The following BCL2 variants were observed in gnomAD, a reference collection of about 807,000 sequenced individuals.
The protein encoded by BCL2 is BCL2 apoptosis regulator.
BCL2 carries 1 observed loss-of-function variant against 14.2 expected under a neutral mutation model. The observed-to-expected ratio is 0.07, with a 90% CI of 0.02 to 0.33. The LOEUF (loss-of-function observed/expected upper bound fraction) is 0.33, where lower values mean the gene tolerates loss of function less well. BCL2 is among the 10% of genes least tolerant of loss of function. The probability of loss-of-function intolerance (pLI) is 0.99; values close to 1 mark genes in which losing one functional copy is unlikely to be tolerated. For synonymous variants in BCL2, 151 were observed against 137.2 expected (o/e 1.10, Z -0.70); for missense variants, 247 against 305.9 (o/e 0.81, Z 1.44).
chr18:63,305,816 A>T (rs1913111978), intron 2 of BCL2, among the ~76,000 whole-genome samples: 1 of 152,220 alleles, frequency 6.6e-6, no homozygotes, highest in South Asian at 2.1e-4. Context: ...CCATGCCTGT[A>T]ATCCCAGTAC....
chr18:63,213,315 T>C (rs1443863480), intron 2 of BCL2, among the ~76,000 whole-genome samples: 3 of 152,184 alleles, frequency 2.0e-5, no homozygotes, highest in Admixed American at 1.3e-4. Context: ...GTCAATATGA[T>C]TTGTGTCAAA....
intron 2 of BCL2, among the ~76,000 whole-genome samples, chr18:63,266,604 A>ATC (rs36078664): frequency 0.033 from 4,634 of 141,500 alleles, 79 homozygotes; most frequent in African/African-American, 0.036. Flanking sequence ...TGGAACATAA[A>ATC]TCTCTCTCTC....
At chr18:63,199,106 AACAC>A (rs1323158700) in intron 2 of BCL2, among the ~76,000 whole-genome samples, 4 of 148,934 alleles carry the variant, frequency 2.7e-5, no homozygotes, top group Admixed American at 6.7e-5. Flanking sequence ...GCACACACAC[AACAC>A]ACACACAGAC....
intron 2 of BCL2, among the ~76,000 whole-genome samples, chr18:63,218,259 C>A (rs1910262788): frequency 6.6e-6 from 1 of 152,076 alleles, no homozygotes; most frequent in African/African-American, 2.4e-5. Flanking sequence ...CTTTCTGAGT[C>A]CCCTCTTGGT....
intron 2 of BCL2, among the ~76,000 whole-genome samples, chr18:63,285,344 G>T (rs946253943): frequency 6.6e-6 from 1 of 152,182 alleles, no homozygotes; most frequent in Non-Finnish European, 1.5e-5. Context: ...CTCTGTCCTT[G>T]CTACCTTCTC....
At chr18:63,220,449 A>G (rs1246589176) in intron 2 of BCL2, among the ~76,000 whole-genome samples, 1 of 152,220 alleles carries the variant, frequency 6.6e-6, no homozygotes, top group Non-Finnish European at 1.5e-5. Context: ...GGTGGTTTGC[A>G]TAGGTCTACC....
intron 2 of BCL2, among the ~76,000 whole-genome samples, chr18:63,289,813 G>C (rs1912595353): frequency 1.3e-5 from 2 of 152,134 alleles, no homozygotes; most frequent in South Asian, 2.1e-4. Flanking sequence ...AGAATCACTT[G>C]AGCCTGGGAG....
At chr18:63,173,523 C>T (rs894900910) in intron 2 of BCL2, among the ~76,000 whole-genome samples, 4 of 152,164 alleles carry the variant, frequency 2.6e-5, no homozygotes, top group Non-Finnish European at 4.4e-5. Context: ...ATTCGGAAAG[C>T]GGATGGAGGA....
chr18:63,318,165 G>A lies in BCL2; in HGVS notation c.502C>T (p.Pro168Ser), dbSNP rs751464195. ...CVESVNREMS[P>S]LVDNIALWMT... ...CACAGGGCGATGTTGTCCACCAGGG[G>A]CGACATCTCCCGGTTGACGCTCTCC... The change falls in exon 2 of 3, where the codon CCC (proline) becomes TCC (serine). Residue 168 changes from proline to serine, a missense_variant. By Grantham distance (74) the Pro-to-Ser change is moderately conservative. Coordinates refer to ENST00000333681, the MANE Select transcript of BCL2 (RefSeq NM_000633.3). The surrounding 1 kb of genome is among the most constrained non-coding windows in gnomAD (Gnocchi z 7.4). 1.2e-6 allele frequency: 2 copies of A among 1,614,130 alleles called. No homozygotes were observed. The highest frequency in any genetic ancestry group is 1.7e-6 in the Non-Finnish European group (2 of 1,180,014).
intron 2 of BCL2, among the ~76,000 whole-genome samples, chr18:63,203,916 T>A (rs780355932): frequency 1.1e-4 from 17 of 152,242 alleles, no homozygotes; most frequent in Non-Finnish European, 2.5e-4. Context: ...TTTTTTGTTA[T>A]TTTAGGAGTG....
intron 2 of BCL2, among the ~76,000 whole-genome samples, chr18:63,283,439 C>A (rs1448374247): frequency 6.6e-6 from 1 of 151,904 alleles, no homozygotes; most frequent in Non-Finnish European, 1.5e-5. Flanking sequence ...TCTTTTCCTG[C>A]CTGTGAAACT....
intron 2 of BCL2, among the ~76,000 whole-genome samples, chr18:63,162,512 T>C (rs1914945826): frequency 6.6e-6 from 1 of 152,160 alleles, no homozygotes; most frequent in South Asian, 2.1e-4. Flanking sequence ...TCGGGGACAC[T>C]ACTGGTGCAG....
intron 2 of BCL2, among the ~76,000 whole-genome samples, chr18:63,183,424 G>A (rs962308321): frequency 9.2e-5 from 14 of 152,170 alleles, no homozygotes; most frequent in African/African-American, 3.4e-4. Flanking sequence ...AGGGTGAGGT[G>A]GGGCACAGAG....
At position 63,125,996 on chromosome 18, in the gene BCL2, C is replaced by G; in HGVS notation, c.*2629G>C. 1 of 215,994 alleles carries G rather than the reference C, an allele frequency of 4.6e-6. No individual in the cohort carries two copies. The highest frequency in any genetic ancestry group is 9.4e-6 in the Non-Finnish European group (1 of 106,844). 13.4% of individuals were successfully genotyped at this position (215,994 alleles called of 1,614,324 possible). A position where few individuals can be genotyped will look rare whatever the true frequency, so the allele number is the denominator to read the frequency against. ...AAACAGGCTTTATATTAAAAACGTC[C>G]ACGTTCTTCATTGTTACTTCTAAAG... is the stretch of plus-strand genomic sequence containing the variant. On this transcript the variant is annotated 3_prime_UTR_variant, in exon 3 of 3. Coordinates refer to ENST00000333681, the MANE Select transcript of BCL2 (RefSeq NM_000633.3).
intron 2 of BCL2, among the ~76,000 whole-genome samples, chr18:63,218,422 CTTTT>C (rs1029448265): frequency 6.6e-6 from 1 of 151,914 alleles, no homozygotes; most frequent in Non-Finnish European, 1.5e-5. Flanking sequence ...TCTTCCCTTT[CTTTT>C]TTTTCTTTCG....
At position 63,130,376 on chromosome 18, in the gene BCL2, C is replaced by T. The variant is rs568759229; in HGVS notation, c.586-1617G>A. 3.0e-3 allele frequency among the ~76,000 whole-genome samples: 450 copies of T among 152,296 alleles called. 2 individuals carry two copies. Among genetic ancestry groups the T allele is most frequent in the Non-Finnish European group, 5.1e-3 (344 of 68,020 alleles). ...CAGTGCACAGAGGGGTTCCCTTTCTCTGGGGCAAGGGCTGTAGCAGTGGGA... is the reference window on the plus strand; with the variant it reads ...CAGTGCACAGAGGGGTTCCCTTTCTTTGGGGCAAGGGCTGTAGCAGTGGGA... On this transcript the variant is annotated intron_variant, in intron 2 of 2. Transcript: ENST00000333681.
intron 2 of BCL2, among the ~76,000 whole-genome samples, chr18:63,226,393 G>T (rs1218411455): frequency 6.6e-6 from 1 of 152,032 alleles, no homozygotes; most frequent in Non-Finnish European, 1.5e-5. Context: ...CCCTCACTGG[G>T]ACCCACCCTC....
chr18:63,298,233 A>G (rs1340817800), intron 2 of BCL2, among the ~76,000 whole-genome samples: 5 of 152,200 alleles, frequency 3.3e-5, no homozygotes, highest in Admixed American at 2.0e-4. Flanking sequence ...TTTATTTTAC[A>G]CGACTCTGAC....
Position 63,318,878 on chromosome 18 carries a change from C to A in BCL2, c.-212G>T. The A allele has an allele frequency of 1.4e-6, 2 of 1,409,718 alleles. No homozygotes were observed. The highest frequency in any genetic ancestry group is 9.3e-7 in the Non-Finnish European group (1 of 1,079,728). The allele number at this position is 1,409,718 out of a possible 1,614,324, so 87.3% of individuals were successfully genotyped here. ...ATGCAGGAAATTTTTATTCCAATTC[C>A]TTTCGGATCTTTATTTCATGAGGCA... On this transcript the variant is annotated 5_prime_UTR_variant, in exon 2 of 3. It adds an upstream start codon to the 5' untranslated region. Transcript: ENST00000333681. The surrounding 1 kb of genome is among the most constrained non-coding windows in gnomAD (Gnocchi z 7.4).
Sources: allele counts gnomAD v4.1 joint callset (sites outside exome capture counted in the v4.1 genomes callset), GRCh38; gene constraint gnomAD v4.1.1; non-coding constraint Gnocchi (gnomAD v3.1); transcripts MANE v1.5; gene names NCBI Gene and HGNC (gene_info 2026-07-23, HGNC 2026-07-21).